The following TMEM117 variants were observed in gnomAD, a reference collection of about 807,000 sequenced individuals.
The protein encoded by TMEM117 is transmembrane protein 117.
A neutral mutation model predicts 52.4 loss-of-function variants in TMEM117; 27 were observed. The observed-to-expected ratio is 0.51, with a 90% CI of 0.38 to 0.71. The LOEUF (loss-of-function observed/expected upper bound fraction) is 0.71. Among genes scored for constraint, TMEM117 ranks in the 30% least tolerant of loss-of-function variants. The pLI is 0.00. For synonymous variants in TMEM117, 215 were observed against 206.3 expected (o/e 1.04, Z -0.36); for missense variants, 556 against 630.5 (o/e 0.88, Z 1.26).
chr12:44,062,346 G>A (rs969048359), intron 3 of TMEM117, among the ~76,000 whole-genome samples: 2 of 152,096 alleles, frequency 1.3e-5, no homozygotes, highest in Non-Finnish European at 2.9e-5. Flanking sequence ...TGTAAGAGGC[G>A]GTTAGGTATG....
chr12:44,086,214 CTTTTTTTTT>C (rs772258917), intron 3 of TMEM117, among the ~76,000 whole-genome samples: 1 of 125,382 alleles, frequency 8.0e-6, no homozygotes, highest in African/African-American at 3.1e-5. Context: ...GCTTCCAAGT[CTTTTTTTTT>C]TTTTTTTTTG....
chr12:43,798,190 G>A, the TMEM117 span, among the ~76,000 whole-genome samples: 2 of 152,058 alleles, frequency 1.3e-5, no homozygotes, highest in African/African-American at 4.8e-5. Context: ...CATACAATAT[G>A]TATAGAACTT....
chr12:43,802,392 G>C, the TMEM117 span: 13 of 1,605,120 alleles, frequency 8.1e-6, no homozygotes, highest in Non-Finnish European at 1.1e-5. Flanking sequence ...CTCCAACAGG[G>C]GTAAAACAAA....
At chr12:44,283,607 G>A (rs940686900) in intron 5 of TMEM117, among the ~76,000 whole-genome samples, 1 of 152,150 alleles carries the variant, frequency 6.6e-6, no homozygotes, top group Admixed American at 6.5e-5. Context: ...TTGTATCTAG[G>A]AAGTAACTAG....
intron 7 of TMEM117, among the ~76,000 whole-genome samples, chr12:44,381,078 T>C (rs1022764021): frequency 2.0e-5 from 3 of 152,198 alleles, no homozygotes; most frequent in Non-Finnish European, 2.9e-5. Flanking sequence ...GTTTAGCTCA[T>C]CTGGATCCCC....
At chr12:43,822,715 G>C in the TMEM117 span, among the ~76,000 whole-genome samples, 1 of 152,004 alleles carries the variant, frequency 6.6e-6, no homozygotes, top group Admixed American at 6.6e-5. Flanking sequence ...TTTGCTGAGA[G>C]GATGAATGAA....
chr12:43,846,355 A>C (rs1008055807), intron 2 of TMEM117, among the ~76,000 whole-genome samples: 1 of 151,170 alleles, frequency 6.6e-6, no homozygotes, highest in Admixed American at 6.6e-5. Context: ...GTCTCTCTCT[A>C]TAATATCTGC....
the TMEM117 span, among the ~76,000 whole-genome samples, chr12:44,398,210 C>T: frequency 6.6e-5 from 10 of 151,870 alleles, 1 homozygote; most frequent in Admixed American, 5.3e-4. Flanking sequence ...GCCAGGGGCC[C>T]AATTCCACTG....
intron 4 of TMEM117, among the ~76,000 whole-genome samples, chr12:44,172,662 C>T (rs1949063433): frequency 1.3e-5 from 2 of 152,170 alleles, no homozygotes; most frequent in African/African-American, 4.8e-5. Context: ...GTAACACTGC[C>T]TCTATTGTGT....
At chr12:43,961,003 A>G (rs1007715240) in intron 3 of TMEM117, among the ~76,000 whole-genome samples, 1 of 152,112 alleles carries the variant, frequency 6.6e-6, no homozygotes, top group Non-Finnish European at 1.5e-5. Context: ...TATAATAGAA[A>G]CAGCATGGAC....
intron 6 of TMEM117, among the ~76,000 whole-genome samples, chr12:44,313,593 T>G (rs1194776999): frequency 6.6e-6 from 1 of 152,222 alleles, no homozygotes; most frequent in African/African-American, 2.4e-5. Flanking sequence ...CTATTCAGGC[T>G]CTCTTTTGGT....
intron 2 of TMEM117, among the ~76,000 whole-genome samples, chr12:43,942,007 A>T (rs1443084274): frequency 6.6e-6 from 1 of 152,270 alleles, no homozygotes; most frequent in Non-Finnish European, 1.5e-5. Context: ...AAAGAAATTT[A>T]CATTTAAATC....
chr12:44,206,421 C>T (rs951881302), intron 4 of TMEM117, among the ~76,000 whole-genome samples: 34 of 152,288 alleles, frequency 2.2e-4, no homozygotes, highest in African/African-American at 8.2e-4. Flanking sequence ...GCCAGTTTCT[C>T]ATGGCCTGTT....
rs552443866 is a variant in TMEM117 at position 43,922,823 on chromosome 12, A to T, written c.278-21387A>T. On this transcript the variant is annotated intron_variant, in intron 2 of 7. Coordinates refer to ENST00000266534, the MANE Select transcript of TMEM117 (RefSeq NM_032256.3). ...TGTTTTTAAGTCCCTTAGGAGGCCC[A>T]AGAAGAAGTACCCCTTTTCTCAGCC... 6.0e-4 allele frequency among the ~76,000 whole-genome samples: 92 copies of T among 152,300 alleles called. No homozygotes were observed. In the South Asian group the frequency reaches 0.019, roughly 31 times the overall value.
At chr12:43,947,285 T>A (rs1207972989) in intron 3 of TMEM117, among the ~76,000 whole-genome samples, 1 of 152,110 alleles carries the variant, frequency 6.6e-6, no homozygotes, top group Non-Finnish European at 1.5e-5. Flanking sequence ...CAGTGAGTTA[T>A]GATTGTGTTA....
At chr12:44,162,573 A>G (rs911260580) in intron 4 of TMEM117, among the ~76,000 whole-genome samples, 2 of 152,192 alleles carry the variant, frequency 1.3e-5, no homozygotes, top group Non-Finnish European at 2.9e-5. Context: ...ACGCTTTTAC[A>G]AAGAGTCATT....
At chr12:43,891,435 T>G (rs1296645357) in intron 2 of TMEM117, among the ~76,000 whole-genome samples, 1 of 130,064 alleles carries the variant, frequency 7.7e-6, no homozygotes, top group Non-Finnish European at 1.6e-5. Flanking sequence ...TGCAGTGGCG[T>G]GATCTCAGCT....
intron 5 of TMEM117, among the ~76,000 whole-genome samples, chr12:44,284,391 C>T (rs529901576): frequency 6.6e-6 from 1 of 152,292 alleles, no homozygotes; most frequent in African/African-American, 2.4e-5. Flanking sequence ...ACTGTAAATC[C>T]AATTAAATCT....
At chr12:44,117,121 C>A (rs571710349) in intron 3 of TMEM117, among the ~76,000 whole-genome samples, 1 of 152,158 alleles carries the variant, frequency 6.6e-6, no homozygotes, top group Non-Finnish European at 1.5e-5. Context: ...ACTCTAACTC[C>A]CTAGTTTTCC....
Sources: allele counts gnomAD v4.1 joint callset (sites outside exome capture counted in the v4.1 genomes callset), GRCh38; gene constraint gnomAD v4.1.1; transcripts MANE v1.5; gene names NCBI Gene and HGNC (gene_info 2026-07-23, HGNC 2026-07-21).